TMPRSS11F: variants seen among roughly 807,000 people sequenced by gnomAD.
TMPRSS11F encodes the protein transmembrane protease serine 11F.
In TMPRSS11F, 47 loss-of-function variants were observed where a neutral mutation model predicts 60.2. The observed-to-expected ratio is 0.78, with a 90% CI of 0.62 to 1.00. TMPRSS11F has a LOEUF of 1.00. Among genes scored for constraint, TMPRSS11F ranks in the 50% least tolerant of loss-of-function variants. The pLI is 0.00. For synonymous variants in TMPRSS11F, 166 were observed against 167.3 expected, an observed-to-expected ratio of 0.99 and a Z score of 0.06; for missense variants, 519 against 522.9, an observed-to-expected ratio of 0.99 and a Z score of 0.07.
intron 1 of TMPRSS11F, among the ~76,000 whole-genome samples, chr4:68,116,364 G>A (rs182006431): frequency 2.6e-5 from 4 of 151,868 alleles, no homozygotes; most frequent in Non-Finnish European, 4.4e-5. Flanking sequence ...ATAAATGGAA[G>A]GACATTCCAT....
At chr4:68,091,155 A>G (rs1723922084) in intron 2 of TMPRSS11F, among the ~76,000 whole-genome samples, 1 of 152,046 alleles carries the variant, frequency 6.6e-6, no homozygotes. Flanking sequence ...ACACACCACT[A>G]AAGCTGTCTT....
chr4:68,110,193 T>C (rs944038658), intron 1 of TMPRSS11F, among the ~76,000 whole-genome samples: 1 of 152,206 alleles, frequency 6.6e-6, no homozygotes. Flanking sequence ...ATGGGTTAAC[T>C]AAGGTTAATG....
At chr4:68,097,285 G>A (rs1187267958) in intron 2 of TMPRSS11F, among the ~76,000 whole-genome samples, 1 of 152,172 alleles carries the variant, frequency 6.6e-6, no homozygotes, top group African/African-American at 2.4e-5. Context: ...GTTTTACAAA[G>A]CTAAAATCAA....
chr4:68,053,615 T>C lies in TMPRSS11F; in HGVS notation c.*294A>G. 4.1e-6 allele frequency: 1 copy of C among 246,726 alleles called. No individual in the cohort carries two copies. Among genetic ancestry groups the C allele is most frequent in the South Asian group, 1.5e-4 (1 of 6,690 alleles). The allele number at this position is 246,726 out of a possible 1,614,324, so 15.3% of individuals were successfully genotyped here. On this transcript the variant is annotated 3_prime_UTR_variant, in exon 10 of 10. Coordinates refer to ENST00000356291, the MANE Select transcript of TMPRSS11F (RefSeq NM_207407.2). Reference sequence around the variant, plus strand: ...TATCCTGTGGAAAATGATGTTCCTGTCTTCAATTGAGGGAAACCACTTATT... The same window carrying C: ...TATCCTGTGGAAAATGATGTTCCTGCCTTCAATTGAGGGAAACCACTTATT...
At chr4:68,096,277 G>T (rs1356616593) in intron 2 of TMPRSS11F, among the ~76,000 whole-genome samples, 1 of 152,118 alleles carries the variant, frequency 6.6e-6, no homozygotes, top group African/African-American at 2.4e-5. Context: ...TCTCTTTGAG[G>T]AAATAATCAA....
intron 7 of TMPRSS11F, among the ~76,000 whole-genome samples, chr4:68,065,537 ACATAGATGCTTTTCTCTCC>A (rs1288337326): frequency 1.3e-5 from 2 of 152,000 alleles, no homozygotes; most frequent in Admixed American, 6.6e-5. Context: ...TTCTCCTTTC[ACATAGATGCTTTTCTCTCC>A]CATAGATGCT....
At chr4:68,064,121 C>CT (rs768474326) in intron 8 of TMPRSS11F, among the ~76,000 whole-genome samples, 2,075 of 137,978 alleles carry the variant, frequency 0.015, 36 homozygotes, top group African/African-American at 0.048. Flanking sequence ...CTCTCCCTGA[C>CT]TTTTTTTTTT....
chr4:68,129,325 C>T (rs557051327), intron 1 of TMPRSS11F, among the ~76,000 whole-genome samples: 41 of 152,060 alleles, frequency 2.7e-4, no homozygotes, highest in African/African-American at 9.4e-4. Context: ...AATCATTTCA[C>T]TCATGATATA....
At chr4:68,054,948 G>A (rs2118625) in intron 9 of TMPRSS11F, among the ~76,000 whole-genome samples, 108,761 of 152,048 alleles carry the variant, frequency 0.72, 39,790 homozygotes, top group East Asian at 0.88. Context: ...CAACAGGGAA[G>A]TTTGACTGAT....
intron 3 of TMPRSS11F, 120 bp downstream of exon 3, chr4:68,090,403 A>G: frequency 8.7e-6 from 12 of 1,378,160 alleles, no homozygotes; most frequent in Non-Finnish European, 1.1e-5. Context: ...TATGACTTAC[A>G]TACTATAGTA....
At chr4:68,083,829 C>A (rs1171415214) in intron 3 of TMPRSS11F, among the ~76,000 whole-genome samples, 1 of 152,062 alleles carries the variant, frequency 6.6e-6, no homozygotes, top group Non-Finnish European at 1.5e-5. Context: ...GTTTCTTAAC[C>A]AGACTGAAAA....
At chr4:68,076,615 A>C (rs1410204105) in intron 3 of TMPRSS11F, among the ~76,000 whole-genome samples, 2 of 152,200 alleles carry the variant, frequency 1.3e-5, no homozygotes, top group Non-Finnish European at 2.9e-5. Flanking sequence ...TGTACACTAA[A>C]GAGAAAAGGT....
chr4:68,096,047 C>G (rs1366662460), intron 2 of TMPRSS11F, among the ~76,000 whole-genome samples: 2 of 151,406 alleles, frequency 1.3e-5, no homozygotes, highest in East Asian at 1.9e-4. Flanking sequence ...TGGAACAACC[C>G]AAATGTCTAT....
intron 3 of TMPRSS11F, among the ~76,000 whole-genome samples, chr4:68,081,845 C>A (rs12498228): frequency 6.6e-6 from 1 of 152,142 alleles, no homozygotes; most frequent in Admixed American, 6.5e-5. Flanking sequence ...CAATCTTCAA[C>A]ATTTTTGCTG....
At chr4:68,070,771 G>A (rs1409707172) in intron 5 of TMPRSS11F, among the ~76,000 whole-genome samples, 1 of 152,184 alleles carries the variant, frequency 6.6e-6, no homozygotes, top group Non-Finnish European at 1.5e-5. Flanking sequence ...CTGTTTGTCA[G>A]TGAGAACATG....
intron 1 of TMPRSS11F, among the ~76,000 whole-genome samples, chr4:68,101,166 A>G (rs2109873177): frequency 6.6e-6 from 1 of 151,474 alleles, no homozygotes; most frequent in Non-Finnish European, 1.5e-5. Flanking sequence ...TTTGATTTTA[A>G]AATAAGTTTC....
Position 68,058,887 on chromosome 4 carries a change from G to A in TMPRSS11F, c.1158+439C>T, listed in dbSNP as rs146505482. On this transcript the variant is annotated intron_variant, in intron 9 of 9. Coordinates refer to ENST00000356291, the MANE Select transcript of TMPRSS11F (RefSeq NM_207407.2). ...GGCCCATAGTGTGACTCTAAGAGGA[G>A]GGTCTGAGGTGGCTGAAGAGTATAG... Among the ~76,000 whole-genome samples the A allele has an allele frequency of 1.1e-3, 167 of 152,270 alleles. 4 individuals carry two copies. In the East Asian group the frequency reaches 0.031, roughly 28 times the overall value.
chr4:68,119,085 T>C (rs893130880), intron 1 of TMPRSS11F, among the ~76,000 whole-genome samples: 3 of 152,136 alleles, frequency 2.0e-5, no homozygotes, highest in African/African-American at 7.2e-5. Context: ...ACAGATTTAT[T>C]GCTGATACGG....
chr4:68,106,802 T>C (rs984907105), intron 1 of TMPRSS11F, among the ~76,000 whole-genome samples: 13 of 152,216 alleles, frequency 8.5e-5, no homozygotes, highest in Non-Finnish European at 1.9e-4. Flanking sequence ...CATAATAGAA[T>C]ATAATGTAAA....
Sources: allele counts gnomAD v4.1 joint callset (sites outside exome capture counted in the v4.1 genomes callset), GRCh38; gene constraint gnomAD v4.1.1; transcripts MANE v1.5; gene names NCBI Gene and HGNC (gene_info 2026-07-23, HGNC 2026-07-21).